SORBS2: variants seen among roughly 807,000 people sequenced by gnomAD.
SORBS2 encodes sorbin and SH3 domain containing 2, also known as sorbin and SH3 domain-containing protein 2.
A neutral mutation model predicts 97.7 loss-of-function variants in SORBS2; 46 were observed. The observed-to-expected ratio is 0.47, with a 90% CI of 0.37 to 0.60. The LOEUF (loss-of-function observed/expected upper bound fraction) is 0.60, where lower values mean the gene tolerates loss of function less well. SORBS2 is among the 20% of genes least tolerant of loss of function. The pLI, the probability that SORBS2 is intolerant of heterozygous loss-of-function variation, is 0.00. For synonymous variants in SORBS2, 476 were observed against 473.4 expected (o/e 1.01, Z -0.07); for missense variants, 1,316 against 1,282.3 (o/e 1.03, Z -0.40).
chr4:185,812,903 A>T (rs1048560571), intron 1 of SORBS2: 2 of 152,228 alleles, frequency 1.3e-5, no homozygotes, highest in East Asian at 3.8e-4. Context: ...AATTCTTTTT[A>T]AAAAATCCGC....
At chr4:185,636,925 G>A (rs534177747) in intron 4 of SORBS2, among the ~76,000 whole-genome samples, 1 of 152,288 alleles carries the variant, frequency 6.6e-6, no homozygotes, top group South Asian at 2.1e-4. Context: ...GGGATTACAG[G>A]TGTGAGCCAC....
chr4:185,732,748 T>G (rs965680832), intron 2 of SORBS2, among the ~76,000 whole-genome samples: 9 of 152,250 alleles, frequency 5.9e-5, no homozygotes, highest in African/African-American at 2.2e-4. Flanking sequence ...AAAGGTATGT[T>G]GAAGTCCTTC....
intron 1 of SORBS2, among the ~76,000 whole-genome samples, chr4:185,805,375 T>C (rs1181796255): frequency 6.6e-6 from 1 of 152,220 alleles, no homozygotes; most frequent in Non-Finnish European, 1.5e-5. Flanking sequence ...TAATCATGTG[T>C]TGGCATTAGC....
intron 2 of SORBS2, among the ~76,000 whole-genome samples, chr4:185,686,319 T>C (rs2097957817): frequency 6.6e-6 from 1 of 152,194 alleles, no homozygotes; most frequent in Non-Finnish European, 1.5e-5. Flanking sequence ...GTAAGATTAA[T>C]AGAACTTAAA....
chr4:185,745,176 G>C (rs762127231), intron 2 of SORBS2, among the ~76,000 whole-genome samples: 1 of 152,152 alleles, frequency 6.6e-6, no homozygotes, highest in Admixed American at 6.5e-5. Flanking sequence ...GACTAATCAG[G>C]GATGGAGAGG....
chr4:185,845,148 G>A (rs940419705), intron 1 of SORBS2, among the ~76,000 whole-genome samples: 1 of 151,760 alleles, frequency 6.6e-6, no homozygotes, highest in East Asian at 1.9e-4. Flanking sequence ...TAGTACCTGG[G>A]ACTACTAGTG....
At chr4:185,881,040 G>T (rs2099236613) in intron 1 of SORBS2, among the ~76,000 whole-genome samples, 1 of 152,180 alleles carries the variant, frequency 6.6e-6, no homozygotes, top group Non-Finnish European at 1.5e-5. Context: ...AGGAAGAAAA[G>T]AGGAAGGAAG....
At chr4:185,768,720 C>CAAAAAA (rs796182865) in intron 2 of SORBS2, among the ~76,000 whole-genome samples, 1 of 93,644 alleles carries the variant, frequency 1.1e-5, no homozygotes, top group African/African-American at 4.5e-5. Context: ...AACAAAAAAA[C>CAAAAAA]AAAAAAAAAT....
chr4:185,769,331 C>T (rs1026356584), intron 2 of SORBS2, among the ~76,000 whole-genome samples: 2 of 152,146 alleles, frequency 1.3e-5, no homozygotes, highest in African/African-American at 2.4e-5. Context: ...AGTTTGTGTA[C>T]ACTGAACCGT....
At chr4:185,767,406 A>G (rs1156856143) in intron 2 of SORBS2, among the ~76,000 whole-genome samples, 2 of 138,354 alleles carry the variant, frequency 1.4e-5, no homozygotes, top group Admixed American at 7.7e-5. Context: ...AGGCTGAGGC[A>G]GGGGAATGGC....
chr4:185,710,790 G>A (rs2098412528), intron 2 of SORBS2, among the ~76,000 whole-genome samples: 1 of 152,168 alleles, frequency 6.6e-6, no homozygotes, highest in Non-Finnish European at 1.5e-5. Context: ...CAGCGTGGGA[G>A]GTGAGCGGGC....
intron 1 of SORBS2, among the ~76,000 whole-genome samples, chr4:185,781,556 T>TCCCTTCCCTTGCCTCCGGCCC (rs2099029605): frequency 7.8e-6 from 1 of 127,920 alleles, no homozygotes; most frequent in Non-Finnish European, 1.9e-5. Context: ...GCCTCCAGCC[T>TCCCTTCCCTTGCCTCCGGCCC]CTCCAGCCTC....
chr4:185,756,066 T>C (rs917333851), intron 2 of SORBS2, among the ~76,000 whole-genome samples: 3 of 152,216 alleles, frequency 2.0e-5, no homozygotes, highest in Non-Finnish European at 4.4e-5. Context: ...AGAATTTTCA[T>C]AGTATGCAAG....
intron 1 of SORBS2, among the ~76,000 whole-genome samples, chr4:185,882,715 T>G (rs1579312149): frequency 6.6e-6 from 1 of 152,190 alleles, no homozygotes; most frequent in Non-Finnish European, 1.5e-5. Context: ...AATAAAATAC[T>G]GTGGTATAGC....
At chr4:185,955,335 T>C (rs774802152) in intron 1 of SORBS2, among the ~76,000 whole-genome samples, 1 of 152,242 alleles carries the variant, frequency 6.6e-6, no homozygotes, top group South Asian at 2.1e-4. Flanking sequence ...AACAATTTAA[T>C]GTCTTAGACA....
intron 1 of SORBS2, among the ~76,000 whole-genome samples, chr4:185,951,654 C>T (rs2099277277): frequency 6.6e-6 from 1 of 152,154 alleles, no homozygotes; most frequent in African/African-American, 2.4e-5. Flanking sequence ...CCATAAGGTG[C>T]CAGGATCCAC....
chr4:185,678,862 A>C, intron 2 of SORBS2, 40 bp from the exon 6 acceptor site: 7 of 1,259,526 alleles, frequency 5.6e-6, no homozygotes, highest in Non-Finnish European at 7.5e-6. Context: ...ACTAAGGTGA[A>C]ATAAATGAAC....
intron 4 of SORBS2, among the ~76,000 whole-genome samples, chr4:185,640,321 C>T (rs1561595307): frequency 6.6e-6 from 1 of 152,214 alleles, no homozygotes; most frequent in African/African-American, 2.4e-5. Context: ...TCTGCATGAA[C>T]ACAGTAAAGA....
intron 1 of SORBS2, among the ~76,000 whole-genome samples, chr4:185,880,905 A>C (rs2099236520): frequency 6.6e-6 from 1 of 152,194 alleles, no homozygotes; most frequent in South Asian, 2.1e-4. Flanking sequence ...AGCAGGATGA[A>C]AATGGCATGG....
Sources: allele counts gnomAD v4.1 joint callset (sites outside exome capture counted in the v4.1 genomes callset), GRCh38; gene constraint gnomAD v4.1.1; transcripts MANE v1.5; gene names NCBI Gene and HGNC (gene_info 2026-07-23, HGNC 2026-07-21).